The following MAPK10 variants were observed in gnomAD, a reference collection of about 807,000 sequenced individuals.
MAPK10 encodes the protein JNK3 alpha protein kinase.
In MAPK10, 25 loss-of-function variants were observed where a neutral mutation model predicts 59.3. The observed-to-expected ratio is 0.42, with a 90% confidence interval of 0.31 to 0.59. The LOEUF is 0.59. MAPK10 is among the 20% of genes least tolerant of loss of function. The pLI is 0.15. For synonymous variants in MAPK10, 190 were observed against 200.5 expected (o/e 0.95, Z 0.44); for missense variants, 351 against 568.9 (o/e 0.62, Z 3.90).
chr4:86,106,599 T>C (rs958263216), intron 5 of MAPK10, among the ~76,000 whole-genome samples: 1 of 151,678 alleles, frequency 6.6e-6, no homozygotes, highest in Non-Finnish European at 1.5e-5. Flanking sequence ...GAGCTTAGAT[T>C]CTGAAATGAA....
chr4:86,235,755 G>A (rs535880163), intron 2 of MAPK10, among the ~76,000 whole-genome samples: 6 of 152,250 alleles, frequency 3.9e-5, no homozygotes, highest in Admixed American at 1.3e-4. Flanking sequence ...GGGACCGGGC[G>A]CCTGAGTCAG....
intron 1 of MAPK10, among the ~76,000 whole-genome samples, chr4:86,575,998 C>CGTGTGTGTGTGTGTGTGTGTGTGT (rs56886437): frequency 5.4e-5 from 8 of 147,262 alleles, no homozygotes; most frequent in Admixed American, 2.0e-4. Flanking sequence ...TGTGTGTATG[C>CGTGTGTGTGTGTGTGTGTGTGTGT]GTGTGTGTGT....
intron 2 of MAPK10, among the ~76,000 whole-genome samples, chr4:86,350,495 T>C (rs1564629705): frequency 6.6e-6 from 1 of 152,102 alleles, no homozygotes; most frequent in Non-Finnish European, 1.5e-5. Context: ...ATTACAGGCG[T>C]GAGCCACCAC....
chr4:86,558,662 T>C (rs1319169125), intron 1 of MAPK10, among the ~76,000 whole-genome samples: 1 of 152,170 alleles, frequency 6.6e-6, no homozygotes, highest in Admixed American at 6.5e-5. Flanking sequence ...GAATTACTTT[T>C]TCACTCTGAG....
intron 1 of MAPK10, among the ~76,000 whole-genome samples, chr4:86,498,710 T>G (rs529475595): frequency 1.3e-5 from 2 of 152,314 alleles, no homozygotes; most frequent in South Asian, 2.1e-4. Context: ...ACCACAAATA[T>G]GTAGGGTACA....
At position 86,159,337 on chromosome 4, in the gene MAPK10, T is replaced by C. The variant is rs769594526; in HGVS notation, c.197A>G (p.Asn66Ser). ...STFTVLKRYQNLKPIGSGAQG... is the reference protein window; with the variant it reads ...STFTVLKRYQSLKPIGSGAQG... ...AGCCCCAGAGCCAATAGGCTTTAGATTCTGGTAGCGCTTGAGAACTGTGAA... is the reference window on the plus strand; with the variant it reads ...AGCCCCAGAGCCAATAGGCTTTAGACTCTGGTAGCGCTTGAGAACTGTGAA... Residue 66 changes from asparagine (N) to serine (S), a missense_variant, in exon 4 of 14, where the codon AAT (asparagine) becomes AGT (serine). By Grantham distance (46) the Asn-to-Ser change is conservative. Around this residue, in one of 5 missense-constraint regions of MAPK10, gnomAD observed 8 missense variants for 35.8 expected, o/e 0.22. Coordinates refer to ENST00000641462, the MANE Select transcript of MAPK10 (RefSeq NM_138982.4). 17 of 1,612,192 alleles carry C rather than the reference T, an allele frequency of 1.1e-5. No individual in the cohort carries two copies. Among genetic ancestry groups the C allele is most frequent in the Non-Finnish European group, 1.4e-5 (16 of 1,178,922 alleles).
intron 1 of MAPK10, among the ~76,000 whole-genome samples, chr4:86,578,637 C>T (rs1457514258): frequency 2.0e-5 from 3 of 151,680 alleles, no homozygotes; most frequent in Non-Finnish European, 2.9e-5. Context: ...TGTGAACATT[C>T]AAATCATAGA....
At chr4:86,590,964 G>C (rs984489881) in intron 1 of MAPK10, among the ~76,000 whole-genome samples, 11 of 152,060 alleles carry the variant, frequency 7.2e-5, no homozygotes, top group African/African-American at 2.7e-4. Context: ...TTAGAGAAGG[G>C]ATCTTGCTGT....
At chr4:86,172,240 C>G (rs1183312140) in intron 3 of MAPK10, among the ~76,000 whole-genome samples, 1 of 141,712 alleles carries the variant, frequency 7.1e-6, no homozygotes, top group Non-Finnish European at 1.5e-5. Context: ...ACCCAAAGGA[C>G]TATAAATCAT....
At chr4:86,348,499 A>C (rs1417208133) in intron 2 of MAPK10, among the ~76,000 whole-genome samples, 2 of 152,282 alleles carry the variant, frequency 1.3e-5, no homozygotes, top group African/African-American at 4.8e-5. Flanking sequence ...CTATAGATTC[A>C]TAAGTAATAG....
At chr4:86,354,990 T>C (rs1001291689) in intron 1 of MAPK10, among the ~76,000 whole-genome samples, 1 of 152,156 alleles carries the variant, frequency 6.6e-6, no homozygotes, top group Non-Finnish European at 1.5e-5. Context: ...GATTTACATA[T>C]TCTGCTTTTC....
chr4:86,182,584 C>T (rs1234905699), intron 3 of MAPK10, among the ~76,000 whole-genome samples: 1 of 151,940 alleles, frequency 6.6e-6, no homozygotes, highest in East Asian at 1.9e-4. Context: ...CTGTGAGATG[C>T]CCCAGGAAAT....
chr4:86,140,658 A>C (rs2063440009), intron 4 of MAPK10, among the ~76,000 whole-genome samples: 1 of 151,674 alleles, frequency 6.6e-6, no homozygotes, highest in African/African-American at 2.4e-5. Flanking sequence ...CAATGTGCAC[A>C]TGTACCCTAA....
chr4:86,437,096 C>T (rs1443742066), intron 1 of MAPK10, among the ~76,000 whole-genome samples: 2 of 151,898 alleles, frequency 1.3e-5, no homozygotes, highest in East Asian at 3.9e-4. Context: ...CACCTGTAGT[C>T]CCAGCTACTC....
intron 2 of MAPK10, among the ~76,000 whole-genome samples, chr4:86,206,016 A>G (rs2083782542): frequency 6.6e-6 from 1 of 151,990 alleles, no homozygotes; most frequent in African/African-American, 2.4e-5. Flanking sequence ...ACTGTTCTCC[A>G]CTGAAGACAA....
At chr4:86,206,649 T>G (rs1367714688) in intron 2 of MAPK10, among the ~76,000 whole-genome samples, 1 of 152,250 alleles carries the variant, frequency 6.6e-6, no homozygotes, top group East Asian at 1.9e-4. Context: ...TGAACTAGTT[T>G]ACAGTCCCAC....
rs551914985 is a variant in MAPK10 at position 86,128,536 on chromosome 4, G to T, written c.237-21184C>A. ...ACGTGTTTGCTTCCCCTTCTGCCATGATTGTAATTTTCCTGAAGGCCTCCC... is the reference window on the plus strand; with the variant it reads ...ACGTGTTTGCTTCCCCTTCTGCCATTATTGTAATTTTCCTGAAGGCCTCCC... On this transcript the variant is annotated intron_variant, in intron 4 of 13. Transcript: ENST00000641462. Among the ~76,000 whole-genome samples, 4 of 152,186 alleles carry T rather than the reference G, an allele frequency of 2.6e-5. No homozygotes were observed. In the South Asian group the frequency reaches 8.3e-4, roughly 32 times the overall value.
intron 1 of MAPK10, among the ~76,000 whole-genome samples, chr4:86,517,123 G>C (rs746909474): frequency 6.6e-6 from 1 of 152,004 alleles, no homozygotes; most frequent in Non-Finnish European, 1.5e-5. Context: ...AATCATAAAG[G>C]GATGCTGGAT....
At position 86,294,660 on chromosome 4, in the gene MAPK10, G is replaced by T. The variant is rs938807040; in HGVS notation, c.-7+59870C>A. On this transcript the variant is annotated intron_variant, in intron 2 of 13. Coordinates refer to ENST00000641462, the MANE Select transcript of MAPK10 (RefSeq NM_138982.4). ...TACTTTCTCCAAACTGTTGCCTGGA[G>T]GCAGCTCTAAAGCACTAGGATAGGA... 2.0e-5 allele frequency among the ~76,000 whole-genome samples: 3 copies of T among 152,142 alleles called. No individual in the cohort carries two copies. The East Asian group carries it at 5.8e-4, about 29-fold the overall frequency.
Sources: allele counts gnomAD v4.1 joint callset (sites outside exome capture counted in the v4.1 genomes callset), GRCh38; gene constraint gnomAD v4.1.1; regional missense constraint gnomAD v4.1.1; transcripts MANE v1.5; gene names NCBI Gene and HGNC (gene_info 2026-07-23, HGNC 2026-07-21).